Variants in SPATS2L observed in about 807,000 individuals in gnomAD.
SPATS2L encodes SPATS2-like protein.
SPATS2L carries 30 observed loss-of-function variants against 59.6 expected under a neutral mutation model. The observed-to-expected ratio is 0.50, with a 90% CI of 0.38 to 0.68. The LOEUF (loss-of-function observed/expected upper bound fraction) is 0.68, where lower values mean the gene tolerates loss of function less well. SPATS2L is among the 30% of genes least tolerant of loss of function. The pLI is 0.00. For synonymous variants in SPATS2L, 252 were observed against 263.5 expected, an observed-to-expected ratio of 0.96 and a Z score of 0.42; for missense variants, 615 against 700.0, an observed-to-expected ratio of 0.88 and a Z score of 1.37.
intron 3 of SPATS2L, among the ~76,000 whole-genome samples, chr2:200,406,620 C>T (rs2082697481): frequency 6.6e-6 from 1 of 152,134 alleles, no homozygotes; most frequent in Admixed American, 6.5e-5. Flanking sequence ...TCTTTTCTAG[C>T]CAGGCCACTT....
intron 6 of SPATS2L, among the ~76,000 whole-genome samples, chr2:200,426,976 C>A (rs1268920494): frequency 6.6e-6 from 1 of 152,054 alleles, no homozygotes; most frequent in Non-Finnish European, 1.5e-5. Flanking sequence ...AAACATAAAA[C>A]CCCTCAGGTA....
At chr2:200,344,496 T>C (rs112847403) in intron 2 of SPATS2L, among the ~76,000 whole-genome samples, 16,291 of 152,232 alleles carry the variant, frequency 0.11, 939 homozygotes, top group Non-Finnish European at 0.13. Flanking sequence ...GTTGATTCCA[T>C]GTCTTTGCCA....
At chr2:200,381,739 A>G (rs1187307901) in intron 2 of SPATS2L, among the ~76,000 whole-genome samples, 1 of 152,184 alleles carries the variant, frequency 6.6e-6, no homozygotes, top group African/African-American at 2.4e-5. Context: ...TTGACTTCCT[A>G]CGCACAAAAT....
intron 2 of SPATS2L, among the ~76,000 whole-genome samples, chr2:200,346,056 G>T (rs2080501430): frequency 6.6e-6 from 1 of 152,182 alleles, no homozygotes; most frequent in South Asian, 2.1e-4. Flanking sequence ...TTAGTTCAGT[G>T]AGGCAAGATG....
intron 2 of SPATS2L, among the ~76,000 whole-genome samples, chr2:200,361,196 C>T (rs1425095446): frequency 6.6e-6 from 1 of 150,834 alleles, no homozygotes; most frequent in Non-Finnish European, 1.5e-5. Flanking sequence ...TAGGTGAAAG[C>T]ATGTGGTCAT....
chr2:200,360,668 C>T (rs558930026), intron 2 of SPATS2L, among the ~76,000 whole-genome samples: 1 of 152,270 alleles, frequency 6.6e-6, no homozygotes, highest in East Asian at 1.9e-4. Context: ...CAGCAGTGTC[C>T]TCACAATATG....
At chr2:200,428,962 C>G (rs1382634464) in intron 6 of SPATS2L, among the ~76,000 whole-genome samples, 1 of 152,232 alleles carries the variant, frequency 6.6e-6, no homozygotes, top group Non-Finnish European at 1.5e-5. Context: ...TCTCCTAGCA[C>G]TTACCCTTGT....
At chr2:200,343,874 G>A in intron 2 of SPATS2L, among the ~76,000 whole-genome samples, 1 of 152,120 alleles carries the variant, frequency 6.6e-6, no homozygotes, top group South Asian at 2.1e-4. Context: ...CTTAATATAT[G>A]TATATATTCT....
At chr2:200,383,930 A>G (rs1164323372) in intron 2 of SPATS2L, 1 of 1,001,636 alleles carries the variant, frequency 1.0e-6, no homozygotes, top group East Asian at 1.1e-4. Context: ...AATGGGTTTC[A>G]GAGAAACGAA....
Position 200,468,464 on chromosome 2 carries a change from T to C in SPATS2L, c.957+1065T>C, listed in dbSNP as rs78283038. Among the ~76,000 whole-genome samples the C allele has an allele frequency of 9.9e-3, 1,497 of 151,648 alleles. 33 individuals carry two copies. The highest frequency in any genetic ancestry group is 0.033 in the African/African-American group (1,376 of 41,370). ...CTAGCTTTGAAAGTAAGATTGCAAA[T>C]TGGGGCATAAAACTGCTTGGCAATG... On this transcript the variant is annotated intron_variant, in intron 10 of 12. Coordinates refer to ENST00000409140, the MANE Select transcript of SPATS2L (RefSeq NM_001100423.2).
At chr2:200,332,709 A>G (rs2079986489) in intron 2 of SPATS2L, among the ~76,000 whole-genome samples, 1 of 151,572 alleles carries the variant, frequency 6.6e-6, no homozygotes, top group Non-Finnish European at 1.5e-5. Flanking sequence ...TTCATTGCCC[A>G]AAGAATGAAT....
rs537692844 is a variant in SPATS2L at position 200,360,204 on chromosome 2, A to G, written c.-22-29019A>G. ...CACTGGGGTTTTAGAAGGTCAGCTA[A>G]CTGGTCCACCCAAGTCCATTTATTC... is the stretch of plus-strand genomic sequence containing the variant. On this transcript the variant is annotated intron_variant, in intron 2 of 12. Transcript: ENST00000409140. Among the ~76,000 whole-genome samples, 10 of 152,322 alleles carry G rather than the reference A, an allele frequency of 6.6e-5. No homozygotes were observed. In the East Asian group the frequency reaches 1.9e-3, roughly 29 times the overall value.
At chr2:200,384,017 G>A in intron 2 of SPATS2L, 5 of 1,001,380 alleles carry the variant, frequency 5.0e-6, no homozygotes, top group Non-Finnish European at 6.0e-6. Context: ...CGATTTGATA[G>A]GTCAGTACAT....
intron 4 of SPATS2L, among the ~76,000 whole-genome samples, 165 bp from the exon 5 acceptor site, chr2:200,416,214 A>G (rs1438889142): frequency 6.6e-6 from 1 of 152,020 alleles, no homozygotes; most frequent in African/African-American, 2.4e-5. Flanking sequence ...AATCTGGGAA[A>G]TAAAAAATGA....
chr2:200,335,260 A>C (rs1440300446), intron 2 of SPATS2L, among the ~76,000 whole-genome samples: 2 of 152,086 alleles, frequency 1.3e-5, no homozygotes, highest in Non-Finnish European at 2.9e-5. Context: ...AGAATCGGAT[A>C]CCAAGACAGT....
At chr2:200,429,377 A>C (rs1377617028) in intron 6 of SPATS2L, among the ~76,000 whole-genome samples, 1 of 152,212 alleles carries the variant, frequency 6.6e-6, no homozygotes, top group Non-Finnish European at 1.5e-5. Flanking sequence ...ACAATAAAGG[A>C]ACTAAGGCCT....
intron 1 of SPATS2L, among the ~76,000 whole-genome samples, chr2:200,310,261 G>A (rs1052547808): frequency 1.3e-5 from 2 of 152,180 alleles, no homozygotes; most frequent in African/African-American, 2.4e-5. Flanking sequence ...TTCTTGATCC[G>A]TTTAGCATTC....
At chr2:200,395,028 C>T (rs1031366740) in intron 3 of SPATS2L, among the ~76,000 whole-genome samples, 12 of 152,152 alleles carry the variant, frequency 7.9e-5, no homozygotes, top group South Asian at 4.1e-4. Context: ...AGGGCATACT[C>T]ATTTTTTAAT....
intron 12 of SPATS2L, among the ~76,000 whole-genome samples, chr2:200,476,880 T>A (rs2087564531): frequency 6.6e-6 from 1 of 152,182 alleles, no homozygotes; most frequent in Admixed American, 6.5e-5. Flanking sequence ...ACGCGGGGGA[T>A]TTTATTGCCA....
Sources: allele counts gnomAD v4.1 joint callset (sites outside exome capture counted in the v4.1 genomes callset), GRCh38; gene constraint gnomAD v4.1.1; transcripts MANE v1.5; gene names NCBI Gene and HGNC (gene_info 2026-07-23, HGNC 2026-07-21).